Variants in COL6A2 observed in about 807,000 individuals in gnomAD.
COL6A2 encodes the protein collagen type VI alpha 2 chain.
COL6A2 carries 90 observed loss-of-function variants against 124.9 expected under a neutral mutation model. The observed-to-expected ratio is 0.72, with a 90% CI of 0.61 to 0.86. COL6A2 has a LOEUF of 0.86. Among genes scored for constraint, COL6A2 ranks in the 40% least tolerant of loss-of-function variants. COL6A2 has a pLI of 0.00. For missense variants in COL6A2, 1,607 were observed against 1,502.5 expected (o/e 1.07, Z -1.15); for synonymous variants, 793 against 618.2 (o/e 1.28, Z -4.19).
rs568895594 is a variant in COL6A2 at position 46,121,788 on chromosome 21, GC to G, written c.1521+176del. 6.1e-3 allele frequency among the ~76,000 whole-genome samples: 933 copies of G among 152,242 alleles called. 8 individuals are homozygous for G. Among genetic ancestry groups the G allele is most frequent in the African/African-American group, 0.022 (897 of 41,544 alleles). On this transcript the variant is annotated intron_variant, in intron 18 of 27. Transcript: ENST00000300527. ...AGGGGATGCCTCCGGGGTCCAGGAA[GC>G]CCCCCTGGCTCTCCTCTTCAGCAGT...
intron 27 of COL6A2, among the ~76,000 whole-genome samples, chr21:46,130,988 G>A (rs1386505885): frequency 6.6e-6 from 1 of 152,226 alleles, no homozygotes; most frequent in East Asian, 1.9e-4. Context: ...ACTGCCTGCG[G>A]GGCTGGACCG....
In COL6A2 at chr21:46,120,584, G is replaced by T; in HGVS notation, c.1395+7G>T. The T allele has an allele frequency of 6.8e-7, 1 of 1,459,982 alleles. No homozygotes were observed. The highest frequency in any genetic ancestry group is 1.4e-5 in the African/African-American group (1 of 69,718). 90.4% of individuals were successfully genotyped at this position (1,459,982 alleles called of 1,614,324 possible). On this transcript the variant is annotated splice_region_variant and intron_variant, in intron 16 of 27. Transcript: ENST00000300527. ...TGGCAACAAAGGAGCCAAGGTAGGGGAGCAGGGTGGGCCGCACCCCAAGGT... is the reference window on the plus strand; with the variant it reads ...TGGCAACAAAGGAGCCAAGGTAGGGTAGCAGGGTGGGCCGCACCCCAAGGT...
chr21:46,118,857 G>C (rs1297826282), intron 13 of COL6A2, among the ~76,000 whole-genome samples, 173 bp from the exon 14 acceptor site: 1 of 152,208 alleles, frequency 6.6e-6, no homozygotes, highest in Non-Finnish European at 1.5e-5. Flanking sequence ...CCTCTGACCT[G>C]TGCCCTCCTC....
chr21:46,105,920 G>C (rs2078331339), intron 1 of COL6A2, among the ~76,000 whole-genome samples: 1 of 152,178 alleles, frequency 6.6e-6, no homozygotes, highest in African/African-American at 2.4e-5. Flanking sequence ...AACTCTCTCT[G>C]TTAAAAGACA....
At position 46,130,798 on chromosome 21, in the gene COL6A2, G is replaced by A. The variant is rs193009395; in HGVS notation, c.2462-1156G>A. On this transcript the variant is annotated intron_variant, in intron 27 of 27. Coordinates refer to ENST00000300527, the MANE Select transcript of COL6A2 (RefSeq NM_001849.4). ...TTCTGGACATTTAAGCCGGTTCCTA[G>A]GTGTGGCCTTAACAGGGAGGCTGCC... Among the ~76,000 whole-genome samples the A allele has an allele frequency of 7.2e-4, 109 of 152,316 alleles. 1 individual carries two copies. Among genetic ancestry groups the A allele is most frequent in the African/African-American group, 2.2e-3 (90 of 41,566 alleles).
chr21:46,122,051 C>T, intron 18 of COL6A2, 57 bp from the exon 19 acceptor site: 1 of 1,569,954 alleles, frequency 6.4e-7, no homozygotes, highest in Middle Eastern at 1.7e-4. Flanking sequence ...TTGAGCACAG[C>T]CCCCCAGCCC....
intron 21 of COL6A2, among the ~76,000 whole-genome samples, chr21:46,124,003 G>A (rs374136092): frequency 1.8e-4 from 27 of 151,480 alleles, no homozygotes; most frequent in East Asian, 1.6e-3. Context: ...GTGGGTGGAT[G>A]GATGGTTAGG....
chr21:46,129,099 C>G, intron 27 of COL6A2: 1 of 1,603,700 alleles, frequency 6.2e-7, no homozygotes, highest in African/African-American at 1.3e-5. Context: ...CCAAATGCCG[C>G]TCTTCACTCT....
chr21:46,127,220 A>G (rs7282065), intron 27 of COL6A2, among the ~76,000 whole-genome samples: 127,858 of 152,146 alleles, frequency 0.84, 54,025 homozygotes, highest in African/African-American at 0.9. Context: ...GTGTGAGGGT[A>G]GGGATGCCAT....
At chr21:46,122,264 AGT>A (rs2078578890) in intron 19 of COL6A2, 106 bp downstream of exon 19, 2 of 1,365,694 alleles carry the variant, frequency 1.5e-6, no homozygotes, top group Admixed American at 3.8e-5. Flanking sequence ...TGCAGAAGAA[AGT>A]GTGAGGTCCC....
Position 46,112,548 on chromosome 21 carries a change from G to GAC in COL6A2, c.688_689dup (p.Ile231ProfsTer9), listed in dbSNP as rs775886943. Reference sequence around the variant, plus strand: ...GCCCGACTCCACCGAGATCGACCAGGACACCATCAACCGCATCATCAAGGT... The same window carrying GAC: ...GCCCGACTCCACCGAGATCGACCAGGACACACCATCAACCGCATCATCAAGGT... On this transcript the variant is annotated frameshift_variant, in exon 3 of 28. Transcript: ENST00000300527. LOFTEE classifies it high-confidence loss of function. 1.2e-5 allele frequency: 19 copies of GAC among 1,612,042 alleles called. No homozygotes were observed. Among genetic ancestry groups the GAC allele is most frequent in the Non-Finnish European group, 1.6e-5 (19 of 1,179,880 alleles).
Position 46,125,449 on chromosome 21 carries a change from C to G in COL6A2, c.1817-16C>G, listed in dbSNP as rs761426956. The G allele has an allele frequency of 8.1e-6, 13 of 1,609,498 alleles. No individual in the cohort carries two copies. The highest frequency in any genetic ancestry group is 1.1e-5 in the Non-Finnish European group (13 of 1,178,502). ...GGTCTCCCCGGTACCCCCCGATGAC[C>G]CTGCCACCCCCCCAGACTGTGAGAA... On this transcript the variant is annotated splice_polypyrimidine_tract_variant and intron_variant, in intron 24 of 27. Transcript: ENST00000300527.
Position 46,126,185 on chromosome 21 carries a change from C to G in COL6A2, c.2370C>G (p.Ser790=), listed in dbSNP as rs530866573. The G allele has an allele frequency of 3.1e-6, 5 of 1,605,428 alleles. No individual in the cohort carries two copies. The South Asian group carries it at 4.4e-5, about 14-fold the overall frequency. The change falls in exon 26 of 28, where the codon TCC becomes TCG. Residue 790 remains serine, a synonymous_variant. Coordinates refer to ENST00000300527, the MANE Select transcript of COL6A2 (RefSeq NM_001849.4). ...PQQVRNMTLF[S]DLVAEKFIDD... ...AGGTGCGCAACATGACGCTGTTCTC[C>G]GACCTGGTCGCTGAGAAGTTCATCG...
In COL6A2 at chr21:46,122,091, T is replaced by C; in HGVS notation, c.1522-17T>C. ...CCGTCCTATGACCATGCTGACCGAC[T>C]CAACGTCCTCCTCCAGGGAGACCCC... is the stretch of plus-strand genomic sequence containing the variant. On this transcript the variant is annotated splice_polypyrimidine_tract_variant and intron_variant, in intron 18 of 27. Transcript: ENST00000300527. 27 of 1,612,310 alleles carry C rather than the reference T, an allele frequency of 1.7e-5. No homozygotes were observed. Among genetic ancestry groups the C allele is most frequent in the Non-Finnish European group, 2.3e-5 (27 of 1,179,830 alleles).
intron 27 of COL6A2, among the ~76,000 whole-genome samples, chr21:46,127,518 C>T (rs2078691059): frequency 6.6e-6 from 1 of 152,118 alleles, no homozygotes; most frequent in African/African-American, 2.4e-5. Flanking sequence ...CAGCCTCTGG[C>T]CCCACAACAG....
In COL6A2 at chr21:46,125,831, G is replaced by A. The variant is rs146323303; in HGVS notation, c.2016G>A (p.Glu672=). Residue 672 remains glutamate, a synonymous_variant, in exon 26 of 28, where the codon GAG becomes GAA. Coordinates refer to ENST00000300527, the MANE Select transcript of COL6A2 (RefSeq NM_001849.4). The part of the protein sequence containing the change: ...VVQYSHEGTF[E]AIQLDDERID... Reference sequence around the variant, plus strand: ...AGTACAGCCACGAGGGCACCTTTGAGGCCATCCAGCTGGACGACGAACGTA... The same window carrying A: ...AGTACAGCCACGAGGGCACCTTTGAAGCCATCCAGCTGGACGACGAACGTA... 138 of 1,612,724 alleles carry A rather than the reference G, an allele frequency of 8.6e-5. No individual in the cohort carries two copies. Among genetic ancestry groups the A allele is most frequent in the Non-Finnish European group, 1.1e-4 (133 of 1,179,950 alleles).
In COL6A2 at chr21:46,132,451, A is replaced by G. The variant is rs1046937114; in HGVS notation, c.2959A>G (p.Thr987Ala). The G allele has an allele frequency of 1.2e-6, 2 of 1,606,178 alleles. No homozygotes were observed. Among genetic ancestry groups the G allele is most frequent in the Non-Finnish European group, 1.7e-6 (2 of 1,176,690 alleles). ...GSDVDMDVLTTLSLGDRAAVF... is the reference protein window; with the variant it reads ...GSDVDMDVLTALSLGDRAAVF... ...CGACGTGGACATGGACGTGCTCACCACGCTCAGCCTGGGTGACCGCGCCGC... is the reference window on the plus strand; with the variant it reads ...CGACGTGGACATGGACGTGCTCACCGCGCTCAGCCTGGGTGACCGCGCCGC... Residue 987 changes from threonine to alanine, a missense_variant, in exon 28 of 28, where the codon ACG (threonine) becomes GCG (alanine). Physicochemically the swap from Thr to Ala is moderately conservative, Grantham distance 58. This residue lies in a region of COL6A2 where 1,223 missense variants were observed against 1,052.2 expected (regional missense o/e 1.16). Transcript: ENST00000300527.
At chr21:46,108,573 TACC>T in intron 1 of COL6A2, among the ~76,000 whole-genome samples, 1 of 152,262 alleles carries the variant, frequency 6.6e-6, no homozygotes, top group African/African-American at 2.4e-5. Flanking sequence ...TACTAGGTTT[TACC>T]TTGTCTGGCT....
chr21:46,115,834 C>A (rs367904017), intron 5 of COL6A2, 38 bp from the exon 6 acceptor site: 2 of 1,606,598 alleles, frequency 1.2e-6, no homozygotes, highest in Non-Finnish European at 1.7e-6. Context: ...TACCGCCCAC[C>A]CTACCCTGCC....
Sources: allele counts gnomAD v4.1 joint callset (sites outside exome capture counted in the v4.1 genomes callset), GRCh38; gene constraint gnomAD v4.1.1; regional missense constraint gnomAD v4.1.1; transcripts MANE v1.5; gene names NCBI Gene and HGNC (gene_info 2026-07-23, HGNC 2026-07-21).